HACD2: variants seen among roughly 807,000 people sequenced by gnomAD.
HACD2 encodes the protein 3-hydroxyacyl-CoA dehydratase 2.
In HACD2, 15 loss-of-function variants were observed where a neutral mutation model predicts 31.0. The observed-to-expected ratio is 0.48, with a 90% confidence interval of 0.32 to 0.75. The LOEUF (loss-of-function observed/expected upper bound fraction) is 0.75, where lower values mean the gene tolerates loss of function less well. HACD2 is among the 30% of genes least tolerant of loss of function. The pLI, the probability that HACD2 is intolerant of heterozygous loss-of-function variation, is 0.03. For synonymous variants in HACD2, 115 were observed against 122.2 expected (o/e 0.94, Z 0.39); for missense variants, 283 against 313.0 (o/e 0.90, Z 0.72).
chr3:123,557,393 A>G (rs1354278823), intron 3 of HACD2, among the ~76,000 whole-genome samples: 1 of 152,214 alleles, frequency 6.6e-6, no homozygotes, highest in East Asian at 1.9e-4. Context: ...CGCTGCCTTA[A>G]AAGATACTTT....
chr3:123,573,862 C>T (rs2056880496), intron 2 of HACD2, among the ~76,000 whole-genome samples: 1 of 152,142 alleles, frequency 6.6e-6, no homozygotes, highest in African/African-American at 2.4e-5. Flanking sequence ...ACCTTTCTTG[C>T]TATTTCCACC....
chr3:123,543,244 C>T (rs1367362415), intron 3 of HACD2, among the ~76,000 whole-genome samples: 1 of 152,124 alleles, frequency 6.6e-6, no homozygotes, highest in Non-Finnish European at 1.5e-5. Flanking sequence ...TGACCGTCAA[C>T]GGATGAGAGG....
chr3:123,550,530 G>C (rs2056609081), intron 3 of HACD2, among the ~76,000 whole-genome samples: 1 of 152,176 alleles, frequency 6.6e-6, no homozygotes, highest in African/African-American at 2.4e-5. Flanking sequence ...GATGTTCCCT[G>C]AAAGGAAAAG....
At chr3:123,534,593 TTAGAG>T (rs2056403173) in intron 3 of HACD2, among the ~76,000 whole-genome samples, 1 of 152,154 alleles carries the variant, frequency 6.6e-6, no homozygotes, top group Non-Finnish European at 1.5e-5. Context: ...ATTTTTATTG[TTAGAG>T]TATAGTCCTA....
chr3:123,505,772 A>G (rs1287014515), intron 4 of HACD2, among the ~76,000 whole-genome samples: 3 of 152,270 alleles, frequency 2.0e-5, no homozygotes, highest in Non-Finnish European at 4.4e-5. Context: ...AGAGAGGGTA[A>G]GTACTTTAAA....
intron 3 of HACD2, among the ~76,000 whole-genome samples, chr3:123,554,346 A>G (rs1209310692): frequency 1.3e-5 from 2 of 152,012 alleles, no homozygotes; most frequent in Non-Finnish European, 2.9e-5. Flanking sequence ...ATATAAAGAC[A>G]TATCAGTAGC....
intron 3 of HACD2, among the ~76,000 whole-genome samples, chr3:123,554,078 A>C (rs2056647825): frequency 3.1e-3 from 1 of 320 alleles, no homozygotes; most frequent in Non-Finnish European, 9.3e-3. Flanking sequence ...GTCTGATGCC[A>C]AACTAATAAT....
intron 2 of HACD2, 47 bp downstream of exon 2, chr3:123,582,165 C>A: frequency 7.8e-7 from 1 of 1,280,184 alleles, no homozygotes; most frequent in Non-Finnish European, 1.1e-6. Flanking sequence ...GCATGTTTTT[C>A]TTCATACCAA....
At chr3:123,547,879 G>A (rs182327759) in intron 3 of HACD2, among the ~76,000 whole-genome samples, 2 of 152,192 alleles carry the variant, frequency 1.3e-5, no homozygotes, top group African/African-American at 4.8e-5. Context: ...ACACACTTCT[G>A]TGAGGTAGGC....
At chr3:123,530,649 C>T (rs1484130853) in intron 3 of HACD2, among the ~76,000 whole-genome samples, 6 of 151,210 alleles carry the variant, frequency 4.0e-5, no homozygotes, top group African/African-American at 7.3e-5. Context: ...CCTTGTGATC[C>T]GCCTGCCTTG....
intron 3 of HACD2, among the ~76,000 whole-genome samples, chr3:123,537,703 T>C (rs2056443840): frequency 6.6e-6 from 1 of 152,136 alleles, no homozygotes; most frequent in Non-Finnish European, 1.5e-5. Context: ...TCTGTCTGCC[T>C]ACTTTTTCTT....
At chr3:123,563,640 TATATACAC>T (rs1189403448) in intron 3 of HACD2, among the ~76,000 whole-genome samples, 16 of 91,236 alleles carry the variant, frequency 1.8e-4, no homozygotes, top group Non-Finnish European at 2.6e-4. Flanking sequence ...CAAAAAAATA[TATATACAC>T]ACACACACAC....
At chr3:123,512,181 T>C (rs760486669) in intron 4 of HACD2, among the ~76,000 whole-genome samples, 7 of 152,222 alleles carry the variant, frequency 4.6e-5, no homozygotes, top group Non-Finnish European at 8.8e-5. Flanking sequence ...TTTAACTTAT[T>C]GTCAAGACCC....
At chr3:123,509,902 T>TG (rs1377916110) in intron 4 of HACD2, among the ~76,000 whole-genome samples, 1 of 152,062 alleles carries the variant, frequency 6.6e-6, no homozygotes, top group South Asian at 2.1e-4. Context: ...ATGGACACTA[T>TG]GGGGGAAAAA....
At chr3:123,509,726 C>T (rs911865599) in intron 4 of HACD2, among the ~76,000 whole-genome samples, 8 of 152,080 alleles carry the variant, frequency 5.3e-5, no homozygotes, top group African/African-American at 1.9e-4. Flanking sequence ...GTCTCGATCT[C>T]CTGACCTCGT....
intron 3 of HACD2, among the ~76,000 whole-genome samples, chr3:123,532,760 G>A (rs569105301): frequency 2.7e-5 from 4 of 149,068 alleles, no homozygotes; most frequent in South Asian, 2.1e-4. Context: ...TCTTGAACCC[G>A]GGAGCAGAGT....
intron 3 of HACD2, among the ~76,000 whole-genome samples, chr3:123,534,966 A>T (rs747775817): frequency 2.0e-5 from 3 of 152,252 alleles, no homozygotes; most frequent in Non-Finnish European, 2.9e-5. Flanking sequence ...AAAGTTAAAG[A>T]AAATTAAGCT....
At chr3:123,495,386 C>A (rs927778329) in intron 6 of HACD2, among the ~76,000 whole-genome samples, 1 of 152,168 alleles carries the variant, frequency 6.6e-6, no homozygotes, top group Admixed American at 6.5e-5. Flanking sequence ...AGAGGGTAAG[C>A]AACTTGCCTA....
At chr3:123,521,004 T>G (rs1172745786) in intron 4 of HACD2, among the ~76,000 whole-genome samples, 2 of 152,188 alleles carry the variant, frequency 1.3e-5, no homozygotes, top group East Asian at 3.9e-4. Context: ...CAAGCATCTT[T>G]TGTTAATCCC....
Sources: gnomAD v4.1 joint callset for allele counts (sites outside exome capture counted in the v4.1 genomes callset) on GRCh38, gnomAD v4.1.1 for gene constraint, MANE v1.5 for transcripts, NCBI Gene and HGNC (gene_info 2026-07-23, HGNC 2026-07-21) for gene names.